The following CARD9 variants were observed in gnomAD, a reference collection of about 807,000 sequenced individuals.
CARD9 encodes the protein caspase recruitment domain family member 9, also known as caspase recruitment domain-containing protein 9.
A neutral mutation model predicts 66.0 loss-of-function variants in CARD9; 53 were observed. That is an observed-to-expected ratio of 0.80 (90% confidence interval 0.64 to 1.01). The LOEUF is 1.01. Among genes scored for constraint, CARD9 ranks in the 50% least tolerant of loss-of-function variants. CARD9 has a pLI of 0.00. For synonymous variants in CARD9, 387 were observed against 313.8 expected, an observed-to-expected ratio of 1.23 and a Z score of -2.47; for missense variants, 769 against 743.2, an observed-to-expected ratio of 1.03 and a Z score of -0.40.
At chr9:136,372,938 G>C (rs1221042562) in intron 1 of CARD9, among the ~76,000 whole-genome samples, 1 of 152,198 alleles carries the variant, frequency 6.6e-6, no homozygotes, top group African/African-American at 2.4e-5. Flanking sequence ...GATGAGGCCC[G>C]GCCCCCATCC....
chr9:136,364,806 T>C (rs1833079479), intron 11 of CARD9: 2 of 599,920 alleles, frequency 3.3e-6, no homozygotes, highest in Admixed American at 3.0e-5. Context: ...CAGCCTGGGG[T>C]CCGGGCCATT....
chr9:136,367,532 C>T (rs1411842945), intron 8 of CARD9, 105 bp downstream of exon 8: 2 of 1,382,428 alleles, frequency 1.4e-6, no homozygotes, highest in South Asian at 1.4e-5. Context: ...TGGGGCCCGT[C>T]ACAGAGAAGG....
chr9:136,367,498 C>T, intron 8 of CARD9, 139 bp downstream of exon 8: 2 of 1,122,650 alleles, frequency 1.8e-6, no homozygotes, highest in South Asian at 1.5e-5. Flanking sequence ...CCTCACCCCA[C>T]TGCCAGGAGG....
chr9:136,365,031 G>C (rs1037240006), intron 11 of CARD9, 110 bp downstream of exon 11: 10 of 1,027,630 alleles, frequency 9.7e-6, no homozygotes, highest in Non-Finnish European at 1.5e-5. Context: ...TCACTCCTCA[G>C]CTGTCGTCGG....
At chr9:136,367,102 C>T in intron 9 of CARD9, 114 bp downstream of exon 9, 2 of 1,295,336 alleles carry the variant, frequency 1.5e-6, no homozygotes, top group South Asian at 2.5e-5. Flanking sequence ...CCACCCAGCC[C>T]AGCCCACCGA....
At chr9:136,372,942 C>G (rs1488645523) in intron 1 of CARD9, among the ~76,000 whole-genome samples, 2 of 152,248 alleles carry the variant, frequency 1.3e-5, no homozygotes, top group Non-Finnish European at 2.9e-5. Flanking sequence ...AGGCCCGGCC[C>G]CCATCCCAGT....
At chr9:136,366,940 G>T in intron 9 of CARD9, 95 bp from the exon 10 acceptor site, 1 of 1,409,476 alleles carries the variant, frequency 7.1e-7, no homozygotes. Context: ...TCAGCTGGGT[G>T]CAGCCATTGC....
chr9:136,367,596 C>G (rs1465849542), intron 8 of CARD9, 41 bp downstream of exon 8: 1 of 1,529,388 alleles, frequency 6.5e-7, no homozygotes, highest in East Asian at 2.4e-5. Context: ...CCCTGCATCC[C>G]ACGCGCCGGC....
In CARD9 at chr9:136,369,798, G is replaced by C; in HGVS notation, c.1029C>G (p.Ile343Met). The change falls in exon 7 of 13, where the codon ATC becomes ATG. Residue 343 changes from isoleucine (I) to methionine (M), a missense_variant. Ile to Met is a conservative substitution (Grantham distance 10). Coordinates refer to ENST00000371732, the MANE Select transcript of CARD9 (RefSeq NM_052813.5). ...RKDSKMYKDR[I>M]EAILLQMEEV... ...CCTCCATCTGCAGCAGGATGGCCTCGATGCGGTCCTTGTACATCTTGGAGT... is the reference window on the plus strand; with the variant it reads ...CCTCCATCTGCAGCAGGATGGCCTCCATGCGGTCCTTGTACATCTTGGAGT... The C allele has an allele frequency of 2.5e-6, 4 of 1,612,224 alleles. No individual in the cohort carries two copies. The highest frequency in any genetic ancestry group is 3.4e-6 in the Non-Finnish European group (4 of 1,179,798).
At chr9:136,372,172 C>T (rs1046390703) in intron 1 of CARD9, 78 bp from the exon 2 acceptor site, 24 of 1,564,446 alleles carry the variant, frequency 1.5e-5, no homozygotes, top group African/African-American at 9.5e-5. Context: ...CCTTCTCAGA[C>T]GCTGGGCCAG....
At chr9:136,369,943 C>CGGGCAGGGGCTCA in intron 6 of CARD9, 68 bp from the exon 7 acceptor site, 1 of 1,598,718 alleles carries the variant, frequency 6.3e-7, no homozygotes, top group Admixed American at 1.7e-5. Context: ...GGGTATACTC[C>CGGGCAGGGGCTCA]GGGCAGGGGC....
Position 136,370,418 on chromosome 9 carries a change from C to T in CARD9, c.827G>A (p.Ser276Asn), listed in dbSNP as rs774882992. 2 of 1,611,076 alleles carry T rather than the reference C, an allele frequency of 1.2e-6. No individual in the cohort carries two copies. The highest frequency in any genetic ancestry group is 1.7e-5 in the Admixed American group (1 of 59,844). ...ASVQEGKLDRSSPYIQVLEED... is the reference protein window; with the variant it reads ...ASVQEGKLDRNSPYIQVLEED... ...CTCCAGTACCTGGATGTAGGGGCTGCTCCTGTCCAGCTTCCCCTCCTGAAG... is the reference window on the plus strand; with the variant it reads ...CTCCAGTACCTGGATGTAGGGGCTGTTCCTGTCCAGCTTCCCCTCCTGAAG... The change falls in exon 6 of 13, where the codon AGC (serine) becomes AAC (asparagine). Residue 276 changes from serine (S) to asparagine (N), a missense_variant. Coordinates refer to ENST00000371732, the MANE Select transcript of CARD9 (RefSeq NM_052813.5).
chr9:136,366,992 A>G, intron 9 of CARD9, 147 bp from the exon 10 acceptor site: 6 of 1,100,194 alleles, frequency 5.5e-6, no homozygotes, highest in Non-Finnish European at 8.2e-6. Context: ...TCAGGTGCCC[A>G]GCAGACGGAC....
At position 136,364,515 on chromosome 9, in the gene CARD9, C is replaced by T. The variant is rs368839062; in HGVS notation, c.1479G>A (p.Arg493=). The change falls in exon 12 of 13, where the codon CGG becomes CGA. Residue 493 remains arginine, a synonymous_variant. Transcript: ENST00000371732. ...SSGEPPEKER[R]RLKESFENYR... ...AGTTCTCAAAACTCTCTTTGAGGCG[C>T]CGCCGCTCCTTCTCGGGCGGCTCCC... is the stretch of plus-strand genomic sequence containing the variant. 100 of 1,539,130 alleles carry T rather than the reference C, an allele frequency of 6.5e-5. No individual in the cohort carries two copies. In the African/African-American group the frequency reaches 1.2e-3, roughly 19 times the overall value.
chr9:136,371,277 TCCCCGCCAGCGCCTCCCCTGTCGG>T, intron 3 of CARD9, 23 bp downstream of exon 3: 1 of 1,576,796 alleles, frequency 6.3e-7, no homozygotes, highest in South Asian at 1.1e-5. Context: ...CACTGCCCGC[TCCCCGCCAGCGCCTCCCCTGTCGG>T]CCCCGCCTCC....
At chr9:136,372,418 G>C (rs1338650142) in intron 1 of CARD9, among the ~76,000 whole-genome samples, 1 of 152,322 alleles carries the variant, frequency 6.6e-6, no homozygotes, top group African/African-American at 2.4e-5. Context: ...GTCTGAGAGA[G>C]GAACTCCCCC....
intron 1 of CARD9, 134 bp from the exon 2 acceptor site, chr9:136,372,228 G>A: frequency 8.0e-7 from 1 of 1,250,436 alleles, no homozygotes; most frequent in African/African-American, 1.5e-5. Flanking sequence ...GGGCATCCAG[G>A]AGAGGTGCCC....
At chr9:136,364,672 C>G (rs1208595143) in intron 11 of CARD9, 113 bp from the exon 12 acceptor site, 4 of 1,044,612 alleles carry the variant, frequency 3.8e-6, no homozygotes, top group Non-Finnish European at 5.5e-6. Context: ...GCGAGGAGCC[C>G]AGACAGCCTC....
At position 136,370,425 on chromosome 9, in the gene CARD9, C is replaced by T. The variant is rs1439129616; in HGVS notation, c.820G>A (p.Asp274Asn). ...ACCTGGATGTAGGGGCTGCTCCTGTCCAGCTTCCCCTCCTGAAGGGGGCAA... is the reference window on the plus strand; with the variant it reads ...ACCTGGATGTAGGGGCTGCTCCTGTTCAGCTTCCCCTCCTGAAGGGGGCAA... ...LEASVQEGKLDRSSPYIQVLE... is the reference protein window; with the variant it reads ...LEASVQEGKLNRSSPYIQVLE... The change falls in exon 6 of 13, where the codon GAC becomes AAC. Residue 274 changes from aspartate to asparagine, a missense_variant. Transcript: ENST00000371732. 10 of 1,610,984 alleles carry T rather than the reference C, an allele frequency of 6.2e-6. No individual in the cohort carries two copies. Among genetic ancestry groups the T allele is most frequent in the Non-Finnish European group, 8.5e-6 (10 of 1,179,318 alleles).
Sources: gnomAD v4.1 joint callset for allele counts (sites outside exome capture counted in the v4.1 genomes callset) on GRCh38, gnomAD v4.1.1 for gene constraint, MANE v1.5 for transcripts, NCBI Gene and HGNC (gene_info 2026-07-23, HGNC 2026-07-21) for gene names.